Variants in MAML3 observed in about 807,000 individuals in gnomAD.
The protein encoded by MAML3 is mastermind like transcriptional coactivator 3, also known as mastermind-like protein 3.
In MAML3, 27 loss-of-function variants were observed where a neutral mutation model predicts 101.9. The observed-to-expected ratio is 0.27, with a 90% confidence interval of 0.20 to 0.37. The LOEUF is 0.37. Ranked by LOEUF, MAML3 falls within the 10% of genes least tolerant of loss-of-function variation. The pLI, the probability that MAML3 is intolerant of heterozygous loss-of-function variation, is 1.00. For synonymous variants in MAML3, 501 were observed against 555.9 expected (o/e 0.90, Z 1.39); for missense variants, 1,316 against 1,444.9 (o/e 0.91, Z 1.45).
chr4:140,066,802 C>G (rs1727543850), intron 1 of MAML3, among the ~76,000 whole-genome samples: 1 of 152,220 alleles, frequency 6.6e-6, no homozygotes, highest in East Asian at 1.9e-4. Context: ...CTGCTGCTTC[C>G]TTTCTGGGAG....
intron 2 of MAML3, among the ~76,000 whole-genome samples, chr4:139,847,596 T>C (rs1248765247): frequency 6.6e-6 from 1 of 152,190 alleles, no homozygotes; most frequent in East Asian, 1.9e-4. Context: ...TTGCTAGCAC[T>C]AGGAAGCTGA....
chr4:140,053,353 T>C (rs957070309), intron 1 of MAML3, among the ~76,000 whole-genome samples: 2 of 152,198 alleles, frequency 1.3e-5, no homozygotes, highest in African/African-American at 4.8e-5. Context: ...GGACCACTGC[T>C]TTGGAATGTC....
At chr4:139,868,185 A>G (rs1307518138) in intron 2 of MAML3, among the ~76,000 whole-genome samples, 1 of 152,194 alleles carries the variant, frequency 6.6e-6, no homozygotes, top group African/African-American at 2.4e-5. Context: ...TACACTTAGG[A>G]GCTATTTAGG....
intron 1 of MAML3, among the ~76,000 whole-genome samples, chr4:139,965,200 G>GTT (rs34595097): frequency 1.8e-4 from 25 of 139,290 alleles, no homozygotes; most frequent in African/African-American, 2.9e-4. Flanking sequence ...CTCCCTGCTA[G>GTT]TTTTTTTTTT....
At chr4:140,115,376 A>G (rs1238267240) in intron 1 of MAML3, among the ~76,000 whole-genome samples, 1 of 152,272 alleles carries the variant, frequency 6.6e-6, no homozygotes, top group African/African-American at 2.4e-5. Flanking sequence ...ATGGCTAGAA[A>G]GAAACTGCTC....
rs550703102 is a variant in MAML3, at chr4:139,919,833, A to G, written c.469-28866T>C. On this transcript the variant is annotated intron_variant, in intron 1 of 4. Coordinates refer to ENST00000509479, the MANE Select transcript of MAML3 (RefSeq NM_018717.5). The stretch of plus-strand genomic sequence containing the variant: ...ACGACAAGAGGCAGACTTTTCTTCT[A>G]TTTGGCTAGGAAATTACAGCAGTTC... 5.3e-5 allele frequency among the ~76,000 whole-genome samples: 8 copies of G among 152,298 alleles called. No individual in the cohort carries two copies. The East Asian group carries it at 5.8e-4, about 11-fold the overall frequency.
At chr4:140,060,379 A>AAAAAAAAAAAAAAAAAAAAC (rs1371693672) in intron 1 of MAML3, among the ~76,000 whole-genome samples, 1 of 147,570 alleles carries the variant, frequency 6.8e-6, no homozygotes, top group South Asian at 2.1e-4. Flanking sequence ...AAAAAAAAAA[A>AAAAAAAAAAAAAAAAAAAAC]AAAAAAGTCA....
chr4:139,863,356 T>A (rs950106905), intron 2 of MAML3, among the ~76,000 whole-genome samples: 1 of 149,464 alleles, frequency 6.7e-6, no homozygotes, highest in African/African-American at 2.4e-5. Context: ...TTTTTTTTTT[T>A]TTTTTCCTTT....
intron 2 of MAML3, among the ~76,000 whole-genome samples, chr4:139,770,153 A>G (rs997040885): frequency 6.6e-5 from 10 of 152,042 alleles, no homozygotes; most frequent in African/African-American, 2.4e-4. Context: ...GTTGGTCTCA[A>G]TCTTCTGGGC....
chr4:139,976,840 C>T (rs1283042391), intron 1 of MAML3, among the ~76,000 whole-genome samples: 1 of 151,322 alleles, frequency 6.6e-6, no homozygotes, highest in East Asian at 1.9e-4. Context: ...TTTTTTCCCT[C>T]CAGGGCACAT....
intron 1 of MAML3, among the ~76,000 whole-genome samples, chr4:139,931,711 A>G (rs546635997): frequency 3.3e-5 from 5 of 152,122 alleles, no homozygotes; most frequent in Admixed American, 3.3e-4. Flanking sequence ...GAACTTTGTA[A>G]AAGTACTTTA....
At chr4:140,037,322 T>A (rs920349676) in intron 1 of MAML3, among the ~76,000 whole-genome samples, 1 of 152,124 alleles carries the variant, frequency 6.6e-6, no homozygotes, top group Non-Finnish European at 1.5e-5. Context: ...AGGTTAGGTT[T>A]TAACACGAAT....
intron 1 of MAML3, among the ~76,000 whole-genome samples, chr4:140,000,239 C>G (rs913798626): frequency 2.6e-5 from 4 of 151,934 alleles, no homozygotes; most frequent in Admixed American, 2.0e-4. Context: ...TCATTACTTT[C>G]AATGGCTCTT....
In MAML3 at chr4:139,717,457, C is replaced by T. The variant is rs1728025955; in HGVS notation, c.*1866G>A. ...TCCCCATTTGGGGAGTTCAGGGTCA[C>T]CCTGCTGCCACCTCTTCGGAGAGGG... On this transcript the variant is annotated 3_prime_UTR_variant, in exon 5 of 5. Coordinates refer to ENST00000509479, the MANE Select transcript of MAML3 (RefSeq NM_018717.5). 2 of 152,292 alleles carry T rather than the reference C, an allele frequency of 1.3e-5. No homozygotes were observed. The highest frequency in any genetic ancestry group is 4.8e-5 in the African/African-American group (2 of 41,444). The allele number at this position is 152,292 out of a possible 1,614,324, so 9.4% of individuals were successfully genotyped here. A position where few individuals can be genotyped will look rare whatever the true frequency, so the allele number is the denominator to read the frequency against.
At chr4:139,935,193 T>C (rs1396212543) in intron 1 of MAML3, among the ~76,000 whole-genome samples, 1 of 150,462 alleles carries the variant, frequency 6.6e-6, no homozygotes, top group Non-Finnish European at 1.5e-5. Context: ...TGCAGTTACA[T>C]GGCAACCATC....
At position 139,863,847 on chromosome 4, in the gene MAML3, T is replaced by TTTTTTTTTTTTTTTC. The variant is rs1287075183; in HGVS notation, c.2079+25509_2079+25510insGAAAAAAAAAAAAAA. 1.3e-5 allele frequency among the ~76,000 whole-genome samples: 2 copies of TTTTTTTTTTTTTTTC among 148,734 alleles called. 1 individual carries two copies. The highest frequency in any genetic ancestry group is 3.0e-5 in the Non-Finnish European group (2 of 66,976). The stretch of plus-strand genomic sequence containing the variant: ...CAGAACATGGGTTTTTTTTTTTTTT[T>TTTTTTTTTTTTTTTC]TTTTTTTTTGTACTAAAAACCCTTG... On this transcript the variant is annotated intron_variant, in intron 2 of 4. Transcript: ENST00000509479.
intron 1 of MAML3, among the ~76,000 whole-genome samples, chr4:139,915,403 T>G (rs1733006964): frequency 6.6e-6 from 1 of 152,242 alleles, no homozygotes; most frequent in Non-Finnish European, 1.5e-5. Context: ...CTAGTCTCTA[T>G]CTAACGACTC....
At chr4:139,941,075 T>C (rs1166286059) in intron 1 of MAML3, among the ~76,000 whole-genome samples, 2 of 152,246 alleles carry the variant, frequency 1.3e-5, no homozygotes, top group Non-Finnish European at 2.9e-5. Flanking sequence ...AATGTAGATT[T>C]GGTCTAGGGT....
intron 2 of MAML3, among the ~76,000 whole-genome samples, chr4:139,871,367 C>T (rs1732003575): frequency 6.6e-6 from 1 of 152,126 alleles, no homozygotes; most frequent in Non-Finnish European, 1.5e-5. Flanking sequence ...CAATGGCCAT[C>T]CTCAGTTTTT....
Sources: allele counts gnomAD v4.1 joint callset (sites outside exome capture counted in the v4.1 genomes callset), GRCh38; gene constraint gnomAD v4.1.1; transcripts MANE v1.5; gene names NCBI Gene and HGNC (gene_info 2026-07-23, HGNC 2026-07-21).